OR1J2: variants seen among roughly 807,000 people sequenced by gnomAD.
The protein encoded by OR1J2 is olfactory receptor 1J2.
For missense variants in OR1J2, 304 were observed against 246.1 expected (o/e 1.24, Z -1.57); for synonymous variants, 142 against 99.7 (o/e 1.42, Z -2.52).
the OR1J2 span, chr9:122,519,741 A>G: frequency 6.2e-7 from 1 of 1,614,032 alleles, no homozygotes; most frequent in Non-Finnish European, 8.5e-7. Context: ...GGTCATTTTC[A>G]CAGTGGGACA....
chr9:122,568,581 T>G, the OR1J2 span: 4 of 701,492 alleles, frequency 5.7e-6, no homozygotes, highest in Non-Finnish European at 9.5e-6. Flanking sequence ...TTCTGTTTGG[T>G]CACAATTAGC....
At chr9:122,577,621 A>G in the OR1J2 span, among the ~76,000 whole-genome samples, 2 of 152,220 alleles carry the variant, frequency 1.3e-5, no homozygotes, top group Admixed American at 1.3e-4. Context: ...CACCAATCAT[A>G]TTATCTATCA....
At chr9:122,477,311 C>T in the OR1J2 span, 1 of 1,614,102 alleles carries the variant, frequency 6.2e-7, no homozygotes, top group Non-Finnish European at 8.5e-7. Context: ...AGCATAATGG[C>T]TGTCAATGCT....
chr9:122,488,546 A>G, the OR1J2 span, among the ~76,000 whole-genome samples: 1 of 152,226 alleles, frequency 6.6e-6, no homozygotes. Context: ...TATTTTCCTC[A>G]TGGGAAACAC....
the OR1J2 span, among the ~76,000 whole-genome samples, chr9:122,559,540 A>G: frequency 6.6e-6 from 1 of 152,200 alleles, no homozygotes; most frequent in East Asian, 1.9e-4. Flanking sequence ...GTTTTAATTG[A>G]ATACAAAGAA....
chr9:122,529,364 A>G, the OR1J2 span, among the ~76,000 whole-genome samples: 1 of 152,212 alleles, frequency 6.6e-6, no homozygotes, highest in African/African-American at 2.4e-5. Flanking sequence ...AAGTCCTTTC[A>G]TTGAGGTTTT....
chr9:122,538,037 G>A, the OR1J2 span, among the ~76,000 whole-genome samples: 2 of 152,134 alleles, frequency 1.3e-5, no homozygotes. Context: ...TACTGTGCAT[G>A]TGTCGGGGGA....
At chr9:122,498,246 T>C in the OR1J2 span, among the ~76,000 whole-genome samples, 1 of 152,204 alleles carries the variant, frequency 6.6e-6, no homozygotes, top group Non-Finnish European at 1.5e-5. Flanking sequence ...TTTGTTTTTT[T>C]CCTTCTTCCT....
the OR1J2 span, among the ~76,000 whole-genome samples, chr9:122,502,764 G>C: frequency 6.6e-6 from 1 of 150,960 alleles, no homozygotes; most frequent in Non-Finnish European, 1.5e-5. Context: ...AATCTTTACT[G>C]TGTTTCCTGG....
At chr9:122,460,039 A>G in the OR1J2 span, among the ~76,000 whole-genome samples, 1 of 152,076 alleles carries the variant, frequency 6.6e-6, no homozygotes. Flanking sequence ...GTGACAACAT[A>G]CGATGTTTGG....
the OR1J2 span, among the ~76,000 whole-genome samples, chr9:122,464,360 G>A: frequency 6.6e-6 from 1 of 152,198 alleles, no homozygotes; most frequent in Admixed American, 6.5e-5. Context: ...GGTGAGCAGG[G>A]CTGAGAATGT....
At chr9:122,470,998 G>A in the OR1J2 span, among the ~76,000 whole-genome samples, 1 of 152,204 alleles carries the variant, frequency 6.6e-6, no homozygotes, top group Non-Finnish European at 1.5e-5. Flanking sequence ...ATAGGAGGAA[G>A]GGACTTGCCT....
the OR1J2 span, among the ~76,000 whole-genome samples, chr9:122,490,303 C>A: frequency 6.6e-6 from 1 of 152,232 alleles, no homozygotes; most frequent in Admixed American, 6.5e-5. Flanking sequence ...AAATGCATCT[C>A]CCCATCCAAT....
chr9:122,570,137 CAT>C, the OR1J2 span, among the ~76,000 whole-genome samples: 2 of 148,714 alleles, frequency 1.3e-5, no homozygotes, highest in African/African-American at 2.5e-5. Flanking sequence ...CCGCAATAAA[CAT>C]ATGTGTGCAT....
the OR1J2 span, among the ~76,000 whole-genome samples, chr9:122,480,737 G>A: frequency 2.0e-5 from 3 of 151,890 alleles, no homozygotes; most frequent in Non-Finnish European, 4.4e-5. Flanking sequence ...GTACCCATTC[G>A]TTATTTTTCC....
the OR1J2 span, chr9:122,527,127 G>A: frequency 6.2e-7 from 1 of 1,614,214 alleles, no homozygotes; most frequent in Non-Finnish European, 8.5e-7. Context: ...AAAGTACATG[G>A]GGGTGTGGAG....
At chr9:122,538,581 G>T in the OR1J2 span, among the ~76,000 whole-genome samples, 2 of 152,172 alleles carry the variant, frequency 1.3e-5, no homozygotes, top group South Asian at 4.1e-4. Flanking sequence ...AGTGAACAGA[G>T]ATAATATGAC....
At chr9:122,466,221 A>G in the OR1J2 span, among the ~76,000 whole-genome samples, 1 of 152,214 alleles carries the variant, frequency 6.6e-6, no homozygotes, top group Non-Finnish European at 1.5e-5. Flanking sequence ...GCAAGCAAGC[A>G]GACAAACAAA....
the OR1J2 span, among the ~76,000 whole-genome samples, chr9:122,484,350 C>T: frequency 1.8e-4 from 27 of 152,088 alleles, no homozygotes; most frequent in African/African-American, 6.5e-4. Context: ...TTAGTAGAGA[C>T]GGAGTTTCAC....
Sources: allele counts gnomAD v4.1 joint callset (sites outside exome capture counted in the v4.1 genomes callset), GRCh38; gene constraint gnomAD v4.1.1; transcripts MANE v1.5; gene names NCBI Gene and HGNC (gene_info 2026-07-23, HGNC 2026-07-21).